The following HMCN1 variants were observed in gnomAD, a reference collection of about 807,000 sequenced individuals.
HMCN1 encodes the protein hemicentin 1.
In HMCN1, 321 loss-of-function variants were observed where a neutral mutation model predicts 625.9. The observed-to-expected ratio is 0.51, with a 90% CI of 0.47 to 0.56. The LOEUF is 0.56. Ranked by LOEUF, HMCN1 falls within the 20% of genes least tolerant of loss-of-function variation. The pLI, the probability that HMCN1 is intolerant of heterozygous loss-of-function variation, is 0.00. For synonymous variants in HMCN1, 2,425 were observed against 2,417.6 expected (o/e 1.00, Z -0.09); for missense variants, 6,588 against 6,887.3 (o/e 0.96, Z 1.54).
At chr1:186,145,143 C>A (rs1650231358) in intron 91 of HMCN1, among the ~76,000 whole-genome samples, 1 of 152,184 alleles carries the variant, frequency 6.6e-6, no homozygotes. Context: ...TCATTTATAC[C>A]CTCCAGCTCC....
intron 48 of HMCN1, among the ~76,000 whole-genome samples, chr1:186,063,448 GAGAAGGAA>G (rs1486963106): frequency 1.6e-5 from 2 of 126,248 alleles, no homozygotes; most frequent in African/African-American, 6.2e-5. Flanking sequence ...GGGACGGAGA[GAGAAGGAA>G]GGAAGGAAGG....
chr1:185,865,954 A>T, intron 4 of HMCN1, 91 bp downstream of exon 4: 1 of 1,345,222 alleles, frequency 7.4e-7, no homozygotes, highest in Non-Finnish European at 1.1e-6. Flanking sequence ...GATTTCAAAA[A>T]CAATTTTAAC....
chr1:185,873,493 C>T (rs574093342), intron 4 of HMCN1, among the ~76,000 whole-genome samples: 55 of 152,208 alleles, frequency 3.6e-4, no homozygotes, highest in African/African-American at 1.3e-3. Context: ...CCATTGGGAA[C>T]TGCAAAGGAA....
chr1:186,162,056 C>T (rs1399469432), intron 97 of HMCN1, among the ~76,000 whole-genome samples: 2 of 152,182 alleles, frequency 1.3e-5, no homozygotes, highest in Non-Finnish European at 2.9e-5. Context: ...TCAGGTACAC[C>T]AATCAGACGT....
At chr1:185,822,179 AG>A (rs1272330046) in intron 1 of HMCN1, among the ~76,000 whole-genome samples, 3 of 152,076 alleles carry the variant, frequency 2.0e-5, no homozygotes, top group African/African-American at 7.2e-5. Flanking sequence ...CAACACCAAG[AG>A]GGGGAGCCCT....
At chr1:185,906,413 T>C (rs980444866) in intron 4 of HMCN1, among the ~76,000 whole-genome samples, 3 of 151,854 alleles carry the variant, frequency 2.0e-5, no homozygotes, top group African/African-American at 7.2e-5. Flanking sequence ...GGAAGCAGTA[T>C]TAAGAGTAAA....
chr1:186,150,100 C>A (rs1032370873), intron 93 of HMCN1, among the ~76,000 whole-genome samples: 1 of 151,476 alleles, frequency 6.6e-6, no homozygotes, highest in Non-Finnish European at 1.5e-5. Context: ...GGTAGACTTT[C>A]TCATCACACG....
At chr1:186,095,614 T>C in intron 68 of HMCN1, 93 bp downstream of exon 68, 1 of 1,380,980 alleles carries the variant, frequency 7.2e-7, no homozygotes, top group East Asian at 2.4e-5. Flanking sequence ...TCAGTTGCTG[T>C]GAGAGAATTT....
At chr1:185,884,833 T>C (rs1359121265) in intron 4 of HMCN1, among the ~76,000 whole-genome samples, 1 of 152,062 alleles carries the variant, frequency 6.6e-6, no homozygotes, top group African/African-American at 2.4e-5. Flanking sequence ...TATTACGTTA[T>C]ATATTGATTA....
intron 38 of HMCN1, among the ~76,000 whole-genome samples, chr1:186,039,311 T>C (rs1240231317): frequency 1.3e-5 from 2 of 152,132 alleles, no homozygotes; most frequent in Non-Finnish European, 2.9e-5. Flanking sequence ...ATTAACGAAA[T>C]GTTTTTGAGT....
At chr1:186,019,856 A>C (rs1654605016) in intron 35 of HMCN1, among the ~76,000 whole-genome samples, 161 bp downstream of exon 35, 1 of 152,076 alleles carries the variant, frequency 6.6e-6, no homozygotes, top group South Asian at 2.1e-4. Context: ...TAAGAATTTA[A>C]CAATATTTTG....
intron 1 of HMCN1, among the ~76,000 whole-genome samples, chr1:185,764,784 A>G (rs1034008181): frequency 7.2e-5 from 11 of 152,196 alleles, no homozygotes; most frequent in African/African-American, 2.7e-4. Context: ...ATGAAATAGT[A>G]ATTTGATATA....
intron 103 of HMCN1, among the ~76,000 whole-genome samples, chr1:186,175,191 A>T (rs1035142536): frequency 3.9e-5 from 6 of 152,212 alleles, no homozygotes; most frequent in African/African-American, 1.4e-4. Context: ...TTTGAATATG[A>T]AGGCAAATAG....
Position 186,144,517 on chromosome 1 carries a change from T to C in HMCN1, c.14096-16T>C. The C allele has an allele frequency of 6.2e-7, 1 of 1,614,062 alleles. No individual in the cohort carries two copies. The highest frequency in any genetic ancestry group is 1.7e-4 in the Middle Eastern group (1 of 6,060). On this transcript the variant is annotated splice_polypyrimidine_tract_variant and intron_variant, in intron 90 of 106. Coordinates refer to ENST00000271588, the MANE Select transcript of HMCN1 (RefSeq NM_031935.3). ...CTAGGTAGTAAGAAAGCATGTACCT[T>C]TTTCCCTTATTCCAGTTCATGGCAA...
At chr1:185,939,983 T>G (rs1668003202) in intron 11 of HMCN1, among the ~76,000 whole-genome samples, 1 of 152,158 alleles carries the variant, frequency 6.6e-6, no homozygotes, top group African/African-American at 2.4e-5. Flanking sequence ...TATTAAAAAG[T>G]TGAGCTCTAA....
At chr1:185,991,620 C>T (rs939123802) in intron 22 of HMCN1, among the ~76,000 whole-genome samples, 15 of 151,900 alleles carry the variant, frequency 9.9e-5, no homozygotes, top group African/African-American at 3.4e-4. Flanking sequence ...AAAGGGATTC[C>T]ATTTATTCAT....
chr1:185,937,812 C>T (rs1247059554), intron 11 of HMCN1, among the ~76,000 whole-genome samples: 6 of 151,188 alleles, frequency 4.0e-5, no homozygotes, highest in South Asian at 2.1e-4. Context: ...ACTTGGGAGG[C>T]GGAGGTTGCT....
At chr1:185,894,346 A>G (rs1189773822) in intron 4 of HMCN1, among the ~76,000 whole-genome samples, 2 of 152,178 alleles carry the variant, frequency 1.3e-5, no homozygotes, top group East Asian at 1.9e-4. Flanking sequence ...TCATTGATGT[A>G]TAGTATTCTA....
chr1:185,988,194 C>T (rs577349731), intron 20 of HMCN1, among the ~76,000 whole-genome samples: 5 of 152,280 alleles, frequency 3.3e-5, no homozygotes, highest in South Asian at 4.1e-4. Flanking sequence ...CTATGTATGA[C>T]TAAAAATTGT....
Sources: gnomAD v4.1 joint callset for allele counts (sites outside exome capture counted in the v4.1 genomes callset) on GRCh38, gnomAD v4.1.1 for gene constraint, MANE v1.5 for transcripts, NCBI Gene and HGNC (gene_info 2026-07-23, HGNC 2026-07-21) for gene names.